The following UNC5C variants were observed in gnomAD, a reference collection of about 807,000 sequenced individuals.
UNC5C encodes the protein netrin receptor UNC5C.
A neutral mutation model predicts 99.8 loss-of-function variants in UNC5C; 47 were observed. That is an observed-to-expected ratio of 0.47 (90% CI 0.37 to 0.60). The LOEUF (loss-of-function observed/expected upper bound fraction) is 0.60, where lower values mean the gene tolerates loss of function less well. Ranked by LOEUF, UNC5C falls within the 20% of genes least tolerant of loss-of-function variation. The pLI, the probability that UNC5C is intolerant of heterozygous loss-of-function variation, is 0.00. For missense variants in UNC5C, 1,062 were observed against 1,165.9 expected, an observed-to-expected ratio of 0.91 and a Z score of 1.30; for synonymous variants, 487 against 452.2, an observed-to-expected ratio of 1.08 and a Z score of -0.98.
intron 1 of UNC5C, among the ~76,000 whole-genome samples, chr4:95,437,478 T>TC (rs1746827659): frequency 1.3e-5 from 2 of 152,068 alleles, no homozygotes; most frequent in South Asian, 2.1e-4. Context: ...TAAAAGGAAC[T>TC]TGTAGCACTT....
chr4:95,530,670 AT>A (rs2149492797), intron 1 of UNC5C, among the ~76,000 whole-genome samples: 1 of 152,316 alleles, frequency 6.6e-6, no homozygotes, highest in Non-Finnish European at 1.5e-5. Flanking sequence ...GGCATCATCA[AT>A]TGACATTTAA....
chr4:95,271,605 A>G (rs548420128), intron 4 of UNC5C, among the ~76,000 whole-genome samples: 4 of 152,298 alleles, frequency 2.6e-5, no homozygotes, highest in South Asian at 2.1e-4. Context: ...GAACTTCCAC[A>G]TGGAACATTT....
chr4:95,342,296 T>C (rs1169203235), intron 1 of UNC5C, among the ~76,000 whole-genome samples: 2 of 152,004 alleles, frequency 1.3e-5, no homozygotes, highest in African/African-American at 2.4e-5. Context: ...TAAAGAAGAC[T>C]TTCTTTTGCC....
At chr4:95,529,696 C>T (rs899873279) in intron 1 of UNC5C, among the ~76,000 whole-genome samples, 6 of 151,758 alleles carry the variant, frequency 4.0e-5, no homozygotes, top group African/African-American at 7.3e-5. Context: ...CACTGCATTT[C>T]GGCCTGAGTA....
intron 3 of UNC5C, among the ~76,000 whole-genome samples, chr4:95,285,212 CATA>C (rs1242298245): frequency 1.3e-5 from 2 of 152,166 alleles, no homozygotes; most frequent in South Asian, 4.1e-4. Flanking sequence ...TCGTTAAGCA[CATA>C]ATAACTTTTT....
chr4:95,197,648 C>T (rs1277996782), intron 12 of UNC5C, among the ~76,000 whole-genome samples: 2 of 152,074 alleles, frequency 1.3e-5, no homozygotes, highest in African/African-American at 4.8e-5. Flanking sequence ...GCAGAAGATA[C>T]ATGGAAGAAC....
chr4:95,489,715 A>G (rs1379968707), intron 1 of UNC5C, among the ~76,000 whole-genome samples: 1 of 151,734 alleles, frequency 6.6e-6, no homozygotes, highest in East Asian at 2.0e-4. Flanking sequence ...GGACATGTTG[A>G]TAACTGGAGT....
chr4:95,406,158 G>C (rs1050905761), intron 1 of UNC5C, among the ~76,000 whole-genome samples: 2 of 152,148 alleles, frequency 1.3e-5, no homozygotes, highest in Non-Finnish European at 2.9e-5. Flanking sequence ...TTTATGCTAG[G>C]TAAAGGTATG....
At position 95,258,746 on chromosome 4, in the gene UNC5C, C is replaced by CTTTTTTT. The variant is rs775570031; in HGVS notation, c.595-8086_595-8080dup. On this transcript the variant is annotated intron_variant, in intron 4 of 15. Coordinates refer to ENST00000453304, the MANE Select transcript of UNC5C (RefSeq NM_003728.4). ...ACTATGTGTAATCGACCATCTTATT[C>CTTTTTTT]TTTTTTTTTTTTTTTTTTTTTTTTT... Among the ~76,000 whole-genome samples, 18 of 76,042 alleles carry CTTTTTTT rather than the reference C, an allele frequency of 2.4e-4. 1 individual carries two copies. The highest frequency in any genetic ancestry group is 3.6e-4 in the Non-Finnish European group (13 of 36,516). 49.9% of individuals were successfully genotyped at this position (76,042 alleles called of 152,430 possible).
intron 14 of UNC5C, among the ~76,000 whole-genome samples, chr4:95,178,433 AGGTTACT>A (rs1736459648): frequency 1.3e-5 from 2 of 149,454 alleles, no homozygotes; most frequent in East Asian, 3.9e-4. Flanking sequence ...CTGTATTTGT[AGGTTACT>A]GCCTTTTATT....
At chr4:95,322,902 C>G (rs1039366701) in intron 2 of UNC5C, among the ~76,000 whole-genome samples, 1 of 147,090 alleles carries the variant, frequency 6.8e-6, no homozygotes, top group African/African-American at 2.5e-5. Flanking sequence ...CATGCCACTG[C>G]ACTTCAGCCT....
chr4:95,390,811 C>A (rs761247839), intron 1 of UNC5C, among the ~76,000 whole-genome samples: 4 of 152,150 alleles, frequency 2.6e-5, no homozygotes, highest in Non-Finnish European at 4.4e-5. Context: ...ACTGCAAGCT[C>A]AAACTCCTGG....
chr4:95,372,370 T>C (rs1368698751), intron 1 of UNC5C, among the ~76,000 whole-genome samples: 1 of 152,210 alleles, frequency 6.6e-6, no homozygotes, highest in Non-Finnish European at 1.5e-5. Flanking sequence ...TTGGCATCCA[T>C]GTATTTGAGA....
chr4:95,225,718 A>T (rs1187158286), intron 7 of UNC5C, among the ~76,000 whole-genome samples: 6 of 152,112 alleles, frequency 3.9e-5, no homozygotes, highest in African/African-American at 1.4e-4. Flanking sequence ...ATCTAGCCAA[A>T]CTCTTATTTT....
intron 1 of UNC5C, among the ~76,000 whole-genome samples, chr4:95,476,925 T>C (rs570900162): frequency 1.3e-4 from 20 of 152,166 alleles, no homozygotes; most frequent in African/African-American, 4.6e-4. Context: ...TCCACAACCT[T>C]GTATGGGGAG....
At chr4:95,543,791 C>T (rs947099105) in intron 1 of UNC5C, among the ~76,000 whole-genome samples, 3 of 152,056 alleles carry the variant, frequency 2.0e-5, no homozygotes, top group Non-Finnish European at 2.9e-5. Flanking sequence ...AGTGACTTAA[C>T]GTGTCATTTT....
intron 3 of UNC5C, among the ~76,000 whole-genome samples, chr4:95,294,576 T>C (rs969139789): frequency 1.2e-4 from 19 of 152,154 alleles, no homozygotes; most frequent in African/African-American, 4.6e-4. Context: ...AGGGTGACCA[T>C]ATGGCATGTT....
intron 1 of UNC5C, among the ~76,000 whole-genome samples, chr4:95,367,202 T>TTC (rs1445271135): frequency 6.6e-6 from 1 of 151,588 alleles, no homozygotes; most frequent in Non-Finnish European, 1.5e-5. Context: ...TTTTTTTTTT[T>TTC]TCAAAGAAAA....
intron 1 of UNC5C, among the ~76,000 whole-genome samples, chr4:95,497,316 C>T (rs976118800): frequency 6.6e-6 from 1 of 151,896 alleles, no homozygotes; most frequent in African/African-American, 2.4e-5. Context: ...CTGCTTTTAA[C>T]CACAGCTTGC....
Sources: allele counts gnomAD v4.1 joint callset (sites outside exome capture counted in the v4.1 genomes callset), GRCh38; gene constraint gnomAD v4.1.1; transcripts MANE v1.5; gene names NCBI Gene and HGNC (gene_info 2026-07-23, HGNC 2026-07-21).